Variants in ATP6V1C1 observed in about 807,000 individuals in gnomAD.
ATP6V1C1 encodes V-type proton ATPase subunit C 1.
ATP6V1C1 carries 45 observed loss-of-function variants against 53.9 expected under a neutral mutation model. The ratio of observed to expected loss-of-function variants is 0.83; its 90% CI spans 0.66 to 1.07. The LOEUF (loss-of-function observed/expected upper bound fraction) is 1.07, where lower values mean the gene tolerates loss of function less well. ATP6V1C1 is among the 50% of genes least tolerant of loss of function. The pLI is 0.00. For missense variants in ATP6V1C1, 315 were observed against 440.3 expected, an observed-to-expected ratio of 0.72 and a Z score of 2.55; for synonymous variants, 153 against 155.2, an observed-to-expected ratio of 0.99 and a Z score of 0.11.
At chr8:103,036,733 T>G (rs1400865772) in intron 1 of ATP6V1C1, among the ~76,000 whole-genome samples, 4 of 152,178 alleles carry the variant, frequency 2.6e-5, no homozygotes, top group African/African-American at 9.7e-5. Flanking sequence ...GAAAAGATTT[T>G]CTGGAACTCT....
chr8:103,047,423 T>TGC (rs56115164), intron 3 of ATP6V1C1, among the ~76,000 whole-genome samples: 4,498 of 120,988 alleles, frequency 0.037, 125 homozygotes, highest in Non-Finnish European at 0.048. Context: ...AAAAAAAAAA[T>TGC]GCGCGCGCAC....
intron 3 of ATP6V1C1, 125 bp downstream of exon 3, chr8:103,042,532 T>A: frequency 1.3e-6 from 1 of 790,616 alleles, no homozygotes; most frequent in Non-Finnish European, 2.0e-6. Context: ...ACGACTTTTT[T>A]CCCTTCGTAT....
intron 1 of ATP6V1C1, among the ~76,000 whole-genome samples, chr8:103,034,442 A>G (rs1816855246): frequency 7.2e-6 from 1 of 139,606 alleles, no homozygotes; most frequent in Non-Finnish European, 1.6e-5. Flanking sequence ...CTTGCAGCTG[A>G]GAGAAAAAGG....
At chr8:103,038,212 A>G (rs1816931550) in intron 1 of ATP6V1C1, among the ~76,000 whole-genome samples, 1 of 152,160 alleles carries the variant, frequency 6.6e-6, no homozygotes, top group African/African-American at 2.4e-5. Flanking sequence ...GGCCTCAGTC[A>G]CATGTCTGGT....
chr8:103,055,845 T>C (rs1817281845), intron 7 of ATP6V1C1, 23 bp from the exon 8 acceptor site: 5 of 1,600,750 alleles, frequency 3.1e-6, no homozygotes, highest in Non-Finnish European at 4.3e-6. Flanking sequence ...TCTTTTCCAA[T>C]GTGTATTGTA....
At position 103,046,917 on chromosome 8, in the gene ATP6V1C1, G is replaced by A. The variant is rs143038444; in HGVS notation, c.201-1953G>A. Among the ~76,000 whole-genome samples the A allele has an allele frequency of 3.2e-3, 493 of 152,082 alleles. 2 individuals are homozygous for A. The highest frequency in any genetic ancestry group is 0.011 in the African/African-American group (469 of 41,484). ...GAAGTTCTGGGTTATGCAACATTAC[G>A]TTTATAAATTTGACACCAGGTGATT... On this transcript the variant is annotated intron_variant, in intron 3 of 12. Transcript: ENST00000518738.
intron 8 of ATP6V1C1, among the ~76,000 whole-genome samples, chr8:103,062,088 G>A (rs974679680): frequency 1.4e-5 from 2 of 148,006 alleles, no homozygotes; most frequent in Non-Finnish European, 3.0e-5. Context: ...ACCTTCTAAA[G>A]CCTAAAATGG....
At chr8:103,043,552 C>G (rs560564653) in intron 3 of ATP6V1C1, among the ~76,000 whole-genome samples, 145 of 151,628 alleles carry the variant, frequency 9.6e-4, no homozygotes, top group Non-Finnish European at 1.8e-3. Flanking sequence ...AGGCTGATCT[C>G]AAACCCCTGA....
At chr8:103,030,790 C>G (rs1816784561) in intron 1 of ATP6V1C1, among the ~76,000 whole-genome samples, 1 of 152,140 alleles carries the variant, frequency 6.6e-6, no homozygotes, top group Non-Finnish European at 1.5e-5. Context: ...TGCAGGAGAT[C>G]TAACAAAGAA....
Position 103,043,145 on chromosome 8 carries a change from A to G in ATP6V1C1, c.200+738A>G, listed in dbSNP as rs1457138636. Among the ~76,000 whole-genome samples the G allele has an allele frequency of 4.6e-5, 7 of 152,068 alleles. No homozygotes were observed. The East Asian group carries it at 5.8e-4, about 13-fold the overall frequency. On this transcript the variant is annotated intron_variant, in intron 3 of 12. Coordinates refer to ENST00000518738, the MANE Select transcript of ATP6V1C1 (RefSeq NM_001695.5). ...AATTTCTGGGTCATATGGTAACTCT[A>G]TGCTTTGCTTTTTGAGGAACTGACA...
At chr8:103,051,828 C>T (rs541955320) in intron 5 of ATP6V1C1, among the ~76,000 whole-genome samples, 2 of 152,134 alleles carry the variant, frequency 1.3e-5, no homozygotes, top group African/African-American at 4.8e-5. Context: ...AGACAAGGAC[C>T]TGTTAATTGT....
chr8:103,054,034 T>C, intron 7 of ATP6V1C1, 52 bp downstream of exon 7: 1 of 1,409,608 alleles, frequency 7.1e-7, no homozygotes, highest in Non-Finnish European at 9.9e-7. Flanking sequence ...AAGAAAAATG[T>C]TAGTATCTAG....
chr8:103,023,470 G>A (rs1185210000), intron 1 of ATP6V1C1, among the ~76,000 whole-genome samples: 1 of 152,094 alleles, frequency 6.6e-6, no homozygotes, highest in Non-Finnish European at 1.5e-5. Context: ...CTTGGGGAAG[G>A]GAAAGAATGA....
chr8:103,036,975 G>A (rs929613635), intron 1 of ATP6V1C1, among the ~76,000 whole-genome samples: 1 of 152,072 alleles, frequency 6.6e-6, no homozygotes, highest in South Asian at 2.1e-4. Flanking sequence ...AACCACGATC[G>A]CTTAGATCTG....
intron 1 of ATP6V1C1, among the ~76,000 whole-genome samples, chr8:103,023,909 G>GT (rs1200202141): frequency 6.6e-6 from 1 of 151,560 alleles, no homozygotes; most frequent in Non-Finnish European, 1.5e-5. Context: ...TTTTTTTGGG[G>GT]GGGGGGAACT....
rs1372774256 is a variant in ATP6V1C1, at chr8:103,062,168, T to TG, written c.642-787_642-786insG. On this transcript the variant is annotated intron_variant, in intron 8 of 12. Coordinates refer to ENST00000518738, the MANE Select transcript of ATP6V1C1 (RefSeq NM_001695.5). Reference sequence around the variant, plus strand: ...ACAGTTGTGTTCATCAGGGTTTTTTTTTTTTTTTTTTTTTTTTTTTTTGAC... The same window carrying TG: ...ACAGTTGTGTTCATCAGGGTTTTTTTGTTTTTTTTTTTTTTTTTTTTTTGAC... Among the ~76,000 whole-genome samples, 5 of 127,216 alleles carry TG rather than the reference T, an allele frequency of 3.9e-5. 1 individual carries two copies. In the South Asian group the frequency reaches 8.3e-4, roughly 21 times the overall value. 83.5% of individuals were successfully genotyped at this position (127,216 alleles called of 152,430 possible).
chr8:103,063,003 T>G lies in ATP6V1C1; in HGVS notation c.690T>G (p.Phe230Leu). 6.2e-7 allele frequency: 1 copy of G among 1,613,964 alleles called. No individual in the cohort carries two copies. Among genetic ancestry groups the G allele is most frequent in the Non-Finnish European group, 8.5e-7 (1 of 1,179,946 alleles). ...GTTACCTGTGTAATGTCACCTTGTTTAGGAAGGCAGTTGATGACTTCAGAC... is the reference window on the plus strand; with the variant it reads ...GTTACCTGTGTAATGTCACCTTGTTGAGGAAGGCAGTTGATGACTTCAGAC... The part of the protein sequence containing the change: ...QDSYLCNVTL[F>L]RKAVDDFRHK... The change falls in exon 9 of 13, where the codon TTT (phenylalanine) becomes TTG (leucine). Residue 230 changes from phenylalanine to leucine, a missense_variant. By Grantham distance (22) the Phe-to-Leu change is conservative (BLOSUM62 0). Coordinates refer to ENST00000518738, the MANE Select transcript of ATP6V1C1 (RefSeq NM_001695.5).
chr8:103,029,805 T>C (rs960805274), intron 1 of ATP6V1C1, among the ~76,000 whole-genome samples: 2 of 152,138 alleles, frequency 1.3e-5, no homozygotes, highest in Admixed American at 1.3e-4. Flanking sequence ...CAATCTCGGC[T>C]CACCGCAACC....
Position 103,069,978 on chromosome 8 carries a change from T to C in ATP6V1C1, c.*1231T>C, listed in dbSNP as rs1179202753. 1 of 152,176 alleles carries C rather than the reference T, an allele frequency of 6.6e-6. No homozygotes were observed. Among genetic ancestry groups the C allele is most frequent in the East Asian group, 1.9e-4 (1 of 5,196 alleles). 9.4% of individuals were successfully genotyped at this position (152,176 alleles called of 1,614,324 possible). Reference sequence around the variant, plus strand: ...CAATTTCCACCTCCCAAGGGAAGTTTATGTATTTTTCTAGGCCCTTTTCTA... The same window carrying C: ...CAATTTCCACCTCCCAAGGGAAGTTCATGTATTTTTCTAGGCCCTTTTCTA... On this transcript the variant is annotated 3_prime_UTR_variant, in exon 13 of 13. Transcript: ENST00000518738.
Sources: allele counts gnomAD v4.1 joint callset (sites outside exome capture counted in the v4.1 genomes callset), GRCh38; gene constraint gnomAD v4.1.1; transcripts MANE v1.5; gene names NCBI Gene and HGNC (gene_info 2026-07-23, HGNC 2026-07-21).